The following NEGR1 variants were observed in gnomAD, a reference collection of about 807,000 sequenced individuals.
NEGR1 encodes neuronal growth regulator 1.
Under a neutral mutation model 40.9 loss-of-function variants are expected in NEGR1, and 10 were observed. The ratio of observed to expected loss-of-function variants is 0.24; its 90% CI spans 0.15 to 0.42. NEGR1 has a LOEUF of 0.42. Among genes scored for constraint, NEGR1 ranks in the 10% least tolerant of loss-of-function variants. The pLI is 1.00. For missense variants in NEGR1, 352 were observed against 438.9 expected, an observed-to-expected ratio of 0.80 and a Z score of 1.77; for synonymous variants, 185 against 166.8, an observed-to-expected ratio of 1.11 and a Z score of -0.84.
At chr1:71,841,759 T>G (rs1323443297) in intron 2 of NEGR1, among the ~76,000 whole-genome samples, 1 of 152,156 alleles carries the variant, frequency 6.6e-6, no homozygotes, top group Non-Finnish European at 1.5e-5. Context: ...AATTCTTGCT[T>G]TTAGTCTCTT....
At chr1:72,038,487 T>C (rs1262129742) in intron 1 of NEGR1, among the ~76,000 whole-genome samples, 2 of 152,072 alleles carry the variant, frequency 1.3e-5, no homozygotes, top group Non-Finnish European at 2.9e-5. Flanking sequence ...AGATACTTAC[T>C]GTGTTCTGTC....
At chr1:72,170,313 CTTA>C (rs1430185754) in intron 1 of NEGR1, among the ~76,000 whole-genome samples, 1 of 151,948 alleles carries the variant, frequency 6.6e-6, no homozygotes, top group Non-Finnish European at 1.5e-5. Flanking sequence ...CCAACTCATT[CTTA>C]TTGTTTTCCC....
intron 6 of NEGR1, among the ~76,000 whole-genome samples, chr1:71,513,165 TA>T (rs1647088897): frequency 9.4e-6 from 1 of 105,900 alleles, no homozygotes; most frequent in African/African-American, 3.2e-5. Flanking sequence ...ATACTACATA[TA>T]ATTCAAAAAC....
chr1:72,078,103 TAGTC>T (rs1368504561), intron 1 of NEGR1, among the ~76,000 whole-genome samples: 3 of 152,204 alleles, frequency 2.0e-5, no homozygotes, highest in Non-Finnish European at 4.4e-5. Context: ...TGTTGTCCAT[TAGTC>T]AGTCAGCCTG....
chr1:72,233,256 C>T (rs1306237034), intron 1 of NEGR1, among the ~76,000 whole-genome samples: 1 of 152,068 alleles, frequency 6.6e-6, no homozygotes, highest in African/African-American at 2.4e-5. Flanking sequence ...ACTATGGCTG[C>T]CCTTACCAGG....
intron 1 of NEGR1, among the ~76,000 whole-genome samples, chr1:72,064,756 T>C (rs1232055898): frequency 6.6e-6 from 1 of 152,098 alleles, no homozygotes; most frequent in Non-Finnish European, 1.5e-5. Flanking sequence ...GACATTTAAA[T>C]TGTTCTTTCA....
intron 1 of NEGR1, among the ~76,000 whole-genome samples, chr1:72,057,168 G>A (rs1647118502): frequency 6.6e-6 from 1 of 151,520 alleles, no homozygotes; most frequent in African/African-American, 2.4e-5. Context: ...TTGAATGGAA[G>A]AATAAATAGA....
intron 6 of NEGR1, among the ~76,000 whole-genome samples, chr1:71,519,941 C>T (rs1288510439): frequency 1.3e-5 from 2 of 151,770 alleles, no homozygotes; most frequent in African/African-American, 4.8e-5. Context: ...TCTCATTATT[C>T]ACAGCTAAGG....
chr1:71,679,036 T>C (rs1652739530), intron 4 of NEGR1, among the ~76,000 whole-genome samples: 2 of 152,150 alleles, frequency 1.3e-5, no homozygotes. Flanking sequence ...GCTCTGGAAG[T>C]GACGTGGAGG....
intron 1 of NEGR1, among the ~76,000 whole-genome samples, chr1:72,270,809 T>A (rs1655817448): frequency 1.3e-5 from 2 of 151,980 alleles, no homozygotes; most frequent in African/African-American, 4.8e-5. Flanking sequence ...AATTTGTGAT[T>A]CCATTTCTTT....
intron 1 of NEGR1, among the ~76,000 whole-genome samples, chr1:72,207,275 C>A (rs1653443081): frequency 6.6e-6 from 1 of 151,720 alleles, no homozygotes; most frequent in Non-Finnish European, 1.5e-5. Context: ...TATCTTACTT[C>A]ATAGGATTAA....
chr1:72,114,031 T>C (rs539483261), intron 1 of NEGR1, among the ~76,000 whole-genome samples: 2 of 151,856 alleles, frequency 1.3e-5, no homozygotes, highest in East Asian at 3.9e-4. Context: ...GCTTACAAAT[T>C]TGAAATACAG....
At chr1:71,879,834 T>G (rs983753852) in intron 2 of NEGR1, among the ~76,000 whole-genome samples, 1 of 152,148 alleles carries the variant, frequency 6.6e-6, no homozygotes, top group Non-Finnish European at 1.5e-5. Context: ...AAGATCTATT[T>G]ACAAAGTGTA....
At chr1:72,211,104 C>T (rs892949041) in intron 1 of NEGR1, among the ~76,000 whole-genome samples, 5 of 151,838 alleles carry the variant, frequency 3.3e-5, no homozygotes, top group African/African-American at 1.2e-4. Flanking sequence ...AAGCTATTGA[C>T]ATGCTCATCC....
chr1:72,093,663 C>A (rs1413028594), intron 1 of NEGR1, among the ~76,000 whole-genome samples: 1 of 151,774 alleles, frequency 6.6e-6, no homozygotes, highest in Non-Finnish European at 1.5e-5. Context: ...TTTTTTTAAC[C>A]TAGAAATATG....
chr1:71,545,339 G>T (rs952633918), intron 6 of NEGR1, among the ~76,000 whole-genome samples: 1 of 151,558 alleles, frequency 6.6e-6, no homozygotes, highest in African/African-American at 2.4e-5. Flanking sequence ...GAGTTTTTCT[G>T]GCTTTCATGG....
intron 2 of NEGR1, among the ~76,000 whole-genome samples, chr1:71,842,113 A>T (rs1481624303): frequency 6.6e-6 from 1 of 152,162 alleles, no homozygotes; most frequent in Non-Finnish European, 1.5e-5. Flanking sequence ...TTGTTAGCTC[A>T]GAAGTCACAT....
intron 6 of NEGR1, among the ~76,000 whole-genome samples, chr1:71,417,581 T>G (rs1301819628): frequency 6.6e-6 from 1 of 152,156 alleles, no homozygotes; most frequent in African/African-American, 2.4e-5. Flanking sequence ...TAACTGCTCT[T>G]GTCTGTGAGT....
At chr1:71,581,175 C>G (rs1357339515) in intron 6 of NEGR1, among the ~76,000 whole-genome samples, 1 of 152,160 alleles carries the variant, frequency 6.6e-6, no homozygotes, top group Non-Finnish European at 1.5e-5. Flanking sequence ...CTCTTCCCAA[C>G]TCTGCATTCA....
Sources: allele counts gnomAD v4.1 joint callset (sites outside exome capture counted in the v4.1 genomes callset), GRCh38; gene constraint gnomAD v4.1.1; transcripts MANE v1.5; gene names NCBI Gene and HGNC (gene_info 2026-07-23, HGNC 2026-07-21).